Variants in FARSB observed in about 807,000 individuals in gnomAD.
FARSB encodes the protein phenylalanyl-tRNA synthetase subunit beta, also known as phenylalanine--tRNA ligase beta subunit.
In FARSB, 40 loss-of-function variants were observed where a neutral mutation model predicts 69.6. That is an observed-to-expected ratio of 0.57 (90% CI 0.45 to 0.75). The LOEUF (loss-of-function observed/expected upper bound fraction) is 0.75, where lower values mean the gene tolerates loss of function less well. Among genes scored for constraint, FARSB ranks in the 30% least tolerant of loss-of-function variants. The pLI is 0.00. For missense variants in FARSB, 632 were observed against 722.9 expected, an observed-to-expected ratio of 0.87 and a Z score of 1.44; for synonymous variants, 235 against 247.2, an observed-to-expected ratio of 0.95 and a Z score of 0.46.
At chr2:222,639,325 C>T (rs1691657640) in intron 5 of FARSB, among the ~76,000 whole-genome samples, 2 of 152,140 alleles carry the variant, frequency 1.3e-5, no homozygotes. Flanking sequence ...AAATATACCT[C>T]CTGTTTCTCC....
At position 222,599,972 on chromosome 2, in the gene FARSB, G is replaced by A. The variant is rs186471122; in HGVS notation, c.1574C>T (p.Pro525Leu). ...ATATCCCCCCTTGTCTTCACCAGGA[G>A]GCACATCGAGCAACTGCATAATTCT... ...LDRIMQLLDV[P>L]PGEDKGGYVI... Residue 525 changes from proline (P) to leucine (L), a missense_variant, in exon 16 of 17, where the codon CCT becomes CTT. Transcript: ENST00000281828. 7 of 1,609,002 alleles carry A rather than the reference G, an allele frequency of 4.4e-6. No individual in the cohort carries two copies. In the African/African-American group the frequency reaches 8.0e-5, roughly 19 times the overall value.
At chr2:222,621,948 A>T (rs1691147475) in intron 13 of FARSB, among the ~76,000 whole-genome samples, 1 of 152,192 alleles carries the variant, frequency 6.6e-6, no homozygotes, top group Non-Finnish European at 1.5e-5. Context: ...AGTGATAAAC[A>T]TTGAATGTAT....
intron 16 of FARSB, among the ~76,000 whole-genome samples, chr2:222,578,239 A>G (rs185718610): frequency 2.2e-4 from 34 of 152,364 alleles, no homozygotes; most frequent in Admixed American, 2.1e-3. Flanking sequence ...TCTTGGGCCA[A>G]CAAATGGTTC....
intron 15 of FARSB, 91 bp downstream of exon 15, chr2:222,613,720 T>C (rs1228353820): frequency 1.3e-5 from 10 of 791,476 alleles, no homozygotes; most frequent in East Asian, 2.5e-5. Context: ...CTAATTATAC[T>C]ATTTTTTCTG....
chr2:222,599,833 A>G (rs1276967298), intron 16 of FARSB, 95 bp downstream of exon 16: 1 of 988,870 alleles, frequency 1.0e-6, no homozygotes, highest in African/African-American at 1.7e-5. Flanking sequence ...CTTTCTTTCT[A>G]AAATCCCAAA....
intron 15 of FARSB, 103 bp downstream of exon 15, chr2:222,613,708 G>A: frequency 2.9e-6 from 2 of 701,722 alleles, no homozygotes; most frequent in Non-Finnish European, 4.9e-6. Context: ...GGTACATAGG[G>A]GCTAATTATA....
chr2:222,634,513 G>A lies in FARSB; in HGVS notation c.484C>T (p.His162Tyr). Residue 162 changes from histidine (H) to tyrosine (Y), a missense_variant, in exon 6 of 17, where the codon CAT becomes TAT. By Grantham distance (83) the His-to-Tyr change is moderately conservative. Transcript: ENST00000281828. ...RKRALVAIGT[H>Y]DLDTLSGPFT... The stretch of plus-strand genomic sequence containing the variant: ...GGGCCCGACAAAGTGTCCAAATCAT[G>A]GGTACCAATGGCAACCAGTGCTCTT... 6.2e-7 allele frequency: 1 copy of A among 1,612,746 alleles called. No individual in the cohort carries two copies. Among genetic ancestry groups the A allele is most frequent in the African/African-American group, 1.3e-5 (1 of 74,960 alleles).
intron 16 of FARSB, among the ~76,000 whole-genome samples, chr2:222,593,133 G>A (rs1471192014): frequency 3.3e-5 from 5 of 151,958 alleles, no homozygotes; most frequent in Non-Finnish European, 7.4e-5. Flanking sequence ...TAATTCCAAA[G>A]TATTCATTAT....
intron 15 of FARSB, among the ~76,000 whole-genome samples, chr2:222,611,827 A>T (rs1459863947): frequency 6.6e-6 from 1 of 152,130 alleles, no homozygotes; most frequent in Non-Finnish European, 1.5e-5. Flanking sequence ...TCCCTACAAC[A>T]GCCCCAGCTT....
intron 16 of FARSB, among the ~76,000 whole-genome samples, chr2:222,593,847 G>A (rs1574918756): frequency 6.6e-6 from 1 of 152,004 alleles, no homozygotes; most frequent in South Asian, 2.1e-4. Flanking sequence ...GTGACAGAGT[G>A]AGACCCTGTC....
chr2:222,610,744 A>C lies in FARSB; in HGVS notation c.1462+3067T>G, dbSNP rs145419933. On this transcript the variant is annotated intron_variant, in intron 15 of 16. Transcript: ENST00000281828. Reference sequence around the variant, plus strand: ...CACCAACAGTTCTTATTACGTGGCTAGAACTTTTCAAACTGCAATTTCATT... The same window carrying C: ...CACCAACAGTTCTTATTACGTGGCTCGAACTTTTCAAACTGCAATTTCATT... 1.2e-3 allele frequency among the ~76,000 whole-genome samples: 180 copies of C among 152,360 alleles called. 1 individual carries two copies. The highest frequency in any genetic ancestry group is 4.1e-3 in the African/African-American group (169 of 41,586).
chr2:222,608,390 T>A (rs529813305), intron 15 of FARSB, among the ~76,000 whole-genome samples: 162 of 152,260 alleles, frequency 1.1e-3, no homozygotes, highest in African/African-American at 3.7e-3. Flanking sequence ...AGCATAGAGT[T>A]ACACAAAAAC....
intron 10 of FARSB, 81 bp downstream of exon 10, chr2:222,628,756 G>A (rs1691339840): frequency 1.1e-6 from 1 of 950,518 alleles, no homozygotes; most frequent in South Asian, 1.4e-5. Context: ...GGGATGGATA[G>A]ACAGACAGAA....
chr2:222,578,583 T>C (rs1426211067), intron 16 of FARSB, among the ~76,000 whole-genome samples: 1 of 152,208 alleles, frequency 6.6e-6, no homozygotes, highest in Non-Finnish European at 1.5e-5. Context: ...CTCACGCCTG[T>C]AATCCCAGCA....
At position 222,630,103 on chromosome 2, in the gene FARSB, A is replaced by G. The variant is rs771136862; in HGVS notation, c.848+10T>C. 6.6e-7 allele frequency: 1 copy of G among 1,513,864 alleles called. No homozygotes were observed. The highest frequency in any genetic ancestry group is 2.4e-5 in the East Asian group (1 of 42,178). 93.8% of individuals were successfully genotyped at this position (1,513,864 alleles called of 1,614,324 possible). A position where few individuals can be genotyped will look rare whatever the true frequency, so the allele number is the denominator to read the frequency against. On this transcript the variant is annotated intron_variant, in intron 9 of 16. Transcript: ENST00000281828. ...AATGGGCCATCAATAAAGGTGCTGGATGAACTTACGTAAATTGATTCTCAC... is the reference window on the plus strand; with the variant it reads ...AATGGGCCATCAATAAAGGTGCTGGGTGAACTTACGTAAATTGATTCTCAC...
At chr2:222,587,258 C>A (rs1690140521) in intron 16 of FARSB, among the ~76,000 whole-genome samples, 1 of 152,208 alleles carries the variant, frequency 6.6e-6, no homozygotes, top group African/African-American at 2.4e-5. Context: ...TGAATGACTA[C>A]TGGGTACCTA....
At chr2:222,582,663 G>A (rs1361594195) in intron 16 of FARSB, among the ~76,000 whole-genome samples, 2 of 152,086 alleles carry the variant, frequency 1.3e-5, no homozygotes, top group Admixed American at 1.3e-4. Flanking sequence ...AGTGGCTCAC[G>A]CCTGTAACCC....
chr2:222,568,267 C>G lies in FARSB; in HGVS notation c.*3604G>C, dbSNP rs1689663521. 2 of 152,136 alleles carry G rather than the reference C, an allele frequency of 1.3e-5. No homozygotes were observed. Among genetic ancestry groups the G allele is most frequent in the South Asian group, 2.1e-4 (1 of 4,822 alleles). The allele number at this position is 152,136 out of a possible 1,614,324, so 9.4% of individuals were successfully genotyped here. A position where few individuals can be genotyped will look rare whatever the true frequency, so the allele number is the denominator to read the frequency against. ...AAGTATTGGACTTAACAATTTTTAA[C>G]TTTTTGTCTCCCATTATTTTTATAT... On this transcript the variant is annotated 3_prime_UTR_variant, in exon 17 of 17. Transcript: ENST00000281828. This position sits in a 1 kb window ranked among gnomAD's most constrained non-coding sequence, Gnocchi z 4.3.
chr2:222,634,588 G>A (rs1691528997), intron 5 of FARSB, 47 bp from the exon 6 acceptor site: 8 of 1,469,932 alleles, frequency 5.4e-6, no homozygotes, highest in African/African-American at 2.8e-5. Flanking sequence ...AAGGAAAGGA[G>A]GAGAATGAGA....
Sources: allele counts gnomAD v4.1 joint callset (sites outside exome capture counted in the v4.1 genomes callset), GRCh38; gene constraint gnomAD v4.1.1; non-coding constraint Gnocchi (gnomAD v3.1); transcripts MANE v1.5; gene names NCBI Gene and HGNC (gene_info 2026-07-23, HGNC 2026-07-21).